COL14A1: variants seen among roughly 807,000 people sequenced by gnomAD.
The protein encoded by COL14A1 is collagen type XIV alpha 1 chain.
A neutral mutation model predicts 230.3 loss-of-function variants in COL14A1; 136 were observed. That is an observed-to-expected ratio of 0.59 (90% CI 0.51 to 0.68). The LOEUF (loss-of-function observed/expected upper bound fraction) is 0.68. Ranked by LOEUF, COL14A1 falls within the 30% of genes least tolerant of loss-of-function variation. The pLI is 0.00. For synonymous variants in COL14A1, 792 were observed against 784.1 expected, an observed-to-expected ratio of 1.01 and a Z score of -0.17; for missense variants, 1,976 against 2,215.8, an observed-to-expected ratio of 0.89 and a Z score of 2.17.
At chr8:120,277,364 C>A (rs1819887482) in intron 26 of COL14A1, 1 of 152,110 alleles carries the variant, frequency 6.6e-6, no homozygotes, top group Non-Finnish European at 1.5e-5. Flanking sequence ...AGTTACCAAG[C>A]TTAGGCTGCC....
intron 1 of COL14A1, among the ~76,000 whole-genome samples, chr8:120,138,446 C>G (rs1814781586): frequency 6.6e-6 from 1 of 152,090 alleles, no homozygotes; most frequent in African/African-American, 2.4e-5. Flanking sequence ...TCTAGTTTCT[C>G]TAGTATTCCT....
chr8:120,355,537 C>T (rs930486462), intron 45 of COL14A1, among the ~76,000 whole-genome samples: 4 of 151,776 alleles, frequency 2.6e-5, no homozygotes, highest in African/African-American at 9.7e-5. Flanking sequence ...CTCAGCTTCC[C>T]AAGTAGCTGG....
rs1815715148 is a variant in COL14A1 at position 120,162,530 on chromosome 8, A to G, written c.310A>G (p.Lys104Glu). 6.2e-7 allele frequency: 1 copy of G among 1,608,962 alleles called. No individual in the cohort carries two copies. Among genetic ancestry groups the G allele is most frequent in the Non-Finnish European group, 8.5e-7 (1 of 1,177,994 alleles). ...NYTVQIIAYNKDKESKPAQGQ... is the reference protein window; with the variant it reads ...NYTVQIIAYNEDKESKPAQGQ... Reference sequence around the variant, plus strand: ...CACAGTTCAAATTATTGCATACAATAAAGATAAAGAAAGCAAGCCAGCTCA... The same window carrying G: ...CACAGTTCAAATTATTGCATACAATGAAGATAAAGAAAGCAAGCCAGCTCA... Residue 104 changes from lysine (K) to glutamate (E), a missense_variant, in exon 4 of 48, where the codon AAA (lysine) becomes GAA (glutamate). Lys to Glu is a moderately conservative substitution (Grantham distance 56). This residue lies in a region of COL14A1 where 181 missense variants were observed against 178.6 expected (regional missense o/e 1.01). Transcript: ENST00000297848.
rs6995843 is a variant in COL14A1 at position 120,147,628 on chromosome 8, C to T, written c.-37-178C>T. ...CAAATCATTCTGTCCATTTACAGCACCTTCTAAAAAGTCTTTTCCTCATCA... is the reference window on the plus strand; with the variant it reads ...CAAATCATTCTGTCCATTTACAGCATCTTCTAAAAAGTCTTTTCCTCATCA... On this transcript the variant is annotated intron_variant, in intron 1 of 47. Coordinates refer to ENST00000297848, the MANE Select transcript of COL14A1 (RefSeq NM_021110.4). Among the ~76,000 whole-genome samples, 125,829 of 152,226 alleles carry T rather than the reference C, an allele frequency of 0.83. 52,500 individuals are homozygous for T. Among genetic ancestry groups the T allele is most frequent in the African/African-American group, 0.95 (39,413 of 41,568 alleles).
At chr8:120,250,404 A>G (rs1818899029) in intron 21 of COL14A1, among the ~76,000 whole-genome samples, 1 of 152,252 alleles carries the variant, frequency 6.6e-6, no homozygotes, top group South Asian at 2.1e-4. Context: ...GGATAAAACT[A>G]TATTTAGGGA....
chr8:120,129,228 A>G (rs1007692876), intron 1 of COL14A1, among the ~76,000 whole-genome samples: 6 of 152,238 alleles, frequency 3.9e-5, no homozygotes, highest in Admixed American at 2.6e-4. Flanking sequence ...GATTACTACT[A>G]TAGGAAACAG....
Position 120,285,960 on chromosome 8 carries a change from G to A in COL14A1, c.4067G>A (p.Ser1356Asn). 3 of 1,560,800 alleles carry A rather than the reference G, an allele frequency of 1.9e-6. No individual in the cohort carries two copies. Among genetic ancestry groups the A allele is most frequent in the Non-Finnish European group, 1.8e-6 (2 of 1,132,114 alleles). The change falls in exon 33 of 48, where the codon AGC (serine) becomes AAC (asparagine). Residue 1356 changes from serine (S) to asparagine (N), a missense_variant. Physicochemically the swap from Ser to Asn is conservative, Grantham distance 46. Transcript: ENST00000297848. ...GAAATTAGGAAAATTTTTTATGGAA[G>A]CTTTCACAAGGTTAGTAATGCTTTG... ...GPEIRKIFYGSFHKLHIVVSE... is the reference protein window; with the variant it reads ...GPEIRKIFYGNFHKLHIVVSE...
At position 120,162,583 on chromosome 8, in the gene COL14A1, G is replaced by A. The variant is rs1815718037; in HGVS notation, c.349+14G>A. Reference sequence around the variant, plus strand: ...GCCAATTCAGAAGTACGTATTTACAGTTCTCAAAGCACCTCCGCAGGACTC... The same window carrying A: ...GCCAATTCAGAAGTACGTATTTACAATTCTCAAAGCACCTCCGCAGGACTC... On this transcript the variant is annotated intron_variant, in intron 4 of 47. Transcript: ENST00000297848. 15 of 1,593,738 alleles carry A rather than the reference G, an allele frequency of 9.4e-6. No individual in the cohort carries two copies. The East Asian group carries it at 3.2e-4, about 33-fold the overall frequency.
intron 4 of COL14A1, 58 bp downstream of exon 4, chr8:120,162,627 G>C: frequency 7.0e-7 from 1 of 1,427,058 alleles, no homozygotes; most frequent in South Asian, 1.6e-5. Flanking sequence ...CCTTGGATTT[G>C]AGTCTGTGAT....
rs780218245 is a variant in COL14A1 at position 120,243,958 on chromosome 8, C to T, written c.2429C>T (p.Pro810Leu). 6.2e-7 allele frequency: 1 copy of T among 1,613,278 alleles called. No individual in the cohort carries two copies. Among genetic ancestry groups the T allele is most frequent in the Admixed American group, 1.7e-5 (1 of 59,984 alleles). The change falls in exon 20 of 48, where the codon CCC becomes CTC. Residue 810 changes from proline to leucine, a missense_variant. Coordinates refer to ENST00000297848, the MANE Select transcript of COL14A1 (RefSeq NM_021110.4). Reference protein sequence around the residue: ...PDTEYKVTVTPIYTDGEGVSV... With the variant: ...PDTEYKVTVTLIYTDGEGVSV... ...ACTGAATACAAAGTCACAGTGACTCCCATCTACACGGATGGCGAAGGCGTC... is the reference window on the plus strand; with the variant it reads ...ACTGAATACAAAGTCACAGTGACTCTCATCTACACGGATGGCGAAGGCGTC...
intron 40 of COL14A1, among the ~76,000 whole-genome samples, chr8:120,317,035 C>T (rs1821257757): frequency 6.6e-6 from 1 of 152,110 alleles, no homozygotes. Context: ...AAATTTTCAG[C>T]AAGGGACACA....
rs566160386 is a variant in COL14A1, at chr8:120,286,454, GA to G, written c.4077+489del. 6.8e-3 allele frequency among the ~76,000 whole-genome samples: 1,036 copies of G among 152,138 alleles called. 13 individuals are homozygous for G. Among genetic ancestry groups the G allele is most frequent in the African/African-American group, 0.023 (947 of 41,518 alleles). On this transcript the variant is annotated intron_variant, in intron 33 of 47. Transcript: ENST00000297848. ...CTGTCATCATAACAGTTACCCTGCG[GA>G]AAAATTTTATAAAACCTAAGTTTAC...
Position 120,285,969 on chromosome 8 carries a change from A to C in COL14A1, c.4076A>C (p.Lys1359Thr). 6.6e-7 allele frequency: 1 copy of C among 1,525,150 alleles called. No individual in the cohort carries two copies. Among genetic ancestry groups the C allele is most frequent in the Non-Finnish European group, 9.1e-7 (1 of 1,099,984 alleles). 94.5% of individuals were successfully genotyped at this position (1,525,150 alleles called of 1,614,324 possible). A position where few individuals can be genotyped will look rare whatever the true frequency, so the allele number is the denominator to read the frequency against. ...IRKIFYGSFH[K>T]LHIVVSETLV... ...AAAATTTTTTATGGAAGCTTTCACA[A>C]GGTTAGTAATGCTTTGTATGCATAT... Residue 1359 changes from lysine to threonine, a missense_variant and splice_region_variant, in exon 33 of 48, where the codon AAG becomes ACG. Lys to Thr is a moderately conservative substitution (Grantham distance 78, BLOSUM62 -1). Coordinates refer to ENST00000297848, the MANE Select transcript of COL14A1 (RefSeq NM_021110.4).
chr8:120,197,709 T>A, intron 6 of COL14A1, 102 bp from the exon 7 acceptor site: 1 of 1,278,742 alleles, frequency 7.8e-7, no homozygotes, highest in Non-Finnish European at 1.1e-6. Flanking sequence ...ATAAAAAATT[T>A]TTGCAAAGAT....
intron 5 of COL14A1, among the ~76,000 whole-genome samples, chr8:120,170,143 T>C (rs1816048944): frequency 1.3e-5 from 2 of 152,110 alleles, no homozygotes; most frequent in African/African-American, 2.4e-5. Flanking sequence ...ATTTAGTTGC[T>C]GCATGTGTAT....
chr8:120,155,376 G>A (rs150588311), intron 2 of COL14A1, among the ~76,000 whole-genome samples: 39 of 152,256 alleles, frequency 2.6e-4, no homozygotes, highest in South Asian at 2.1e-3. Context: ...CATGCTCCAC[G>A]TTGCCCTCAT....
chr8:120,265,615 A>G (rs555043868), intron 24 of COL14A1, among the ~76,000 whole-genome samples: 1 of 151,318 alleles, frequency 6.6e-6, no homozygotes, highest in South Asian at 2.1e-4. Flanking sequence ...AAAAGCACAT[A>G]TATATAAAAT....
At chr8:120,134,646 G>A (rs531330118) in intron 1 of COL14A1, among the ~76,000 whole-genome samples, 1 of 152,240 alleles carries the variant, frequency 6.6e-6, no homozygotes, top group Admixed American at 6.5e-5. Context: ...TGGAAAAAGA[G>A]CCACATATTA....
At chr8:120,210,120 G>A (rs115686043) in intron 12 of COL14A1, among the ~76,000 whole-genome samples, 1 of 151,972 alleles carries the variant, frequency 6.6e-6, no homozygotes, top group Admixed American at 6.6e-5. Context: ...AAATGGTTTC[G>A]TAGCCTGCTG....
Sources: allele counts gnomAD v4.1 joint callset (sites outside exome capture counted in the v4.1 genomes callset), GRCh38; gene constraint gnomAD v4.1.1; regional missense constraint gnomAD v4.1.1; transcripts MANE v1.5; gene names NCBI Gene and HGNC (gene_info 2026-07-23, HGNC 2026-07-21).